Variants in ABHD5 observed in about 807,000 individuals in gnomAD.
The protein encoded by ABHD5 is abhydrolase domain containing 5, lysophosphatidic acid acyltransferase.
A neutral mutation model predicts 44.9 loss-of-function variants in ABHD5; 30 were observed. The ratio of observed to expected loss-of-function variants is 0.67; its 90% CI spans 0.50 to 0.91. The LOEUF (loss-of-function observed/expected upper bound fraction) is 0.91. ABHD5 is among the 40% of genes least tolerant of loss of function. ABHD5 has a pLI of 0.00. For synonymous variants in ABHD5, 167 were observed against 147.0 expected, an observed-to-expected ratio of 1.14 and a Z score of -0.99; for missense variants, 399 against 423.4, an observed-to-expected ratio of 0.94 and a Z score of 0.50.
At chr3:43,709,284 G>A (rs2084658818) in intron 3 of ABHD5, among the ~76,000 whole-genome samples, 1 of 152,080 alleles carries the variant, frequency 6.6e-6, no homozygotes, top group Admixed American at 6.5e-5. Flanking sequence ...TTGTAGGCAC[G>A]GTTCACTCCT....
chr3:43,710,179 T>A (rs2084669910), intron 3 of ABHD5, among the ~76,000 whole-genome samples: 1 of 152,214 alleles, frequency 6.6e-6, no homozygotes, highest in Non-Finnish European at 1.5e-5. Flanking sequence ...CATATGAAAT[T>A]TTTAGGCTGT....
rs141018019 is a variant in ABHD5, at chr3:43,707,434, A to G, written c.507-4275A>G. ...GTTCTAGGAAAAGCTGTTCTACTTG[A>G]TTCGAAGTTGGAGATATTTAGTTTG... is the stretch of plus-strand genomic sequence containing the variant. On this transcript the variant is annotated intron_variant, in intron 3 of 6. Transcript: ENST00000644371. Among the ~76,000 whole-genome samples, 3 of 152,216 alleles carry G rather than the reference A, an allele frequency of 2.0e-5. No homozygotes were observed. In the East Asian group the frequency reaches 5.8e-4, roughly 29 times the overall value.
rs1299417826 is a variant in ABHD5 at position 43,708,463 on chromosome 3, G to A, written c.507-3246G>A. Among the ~76,000 whole-genome samples, 13 of 152,196 alleles carry A rather than the reference G, an allele frequency of 8.5e-5. 1 individual carries two copies. Among genetic ancestry groups the A allele is most frequent in the Admixed American group, 8.5e-4 (13 of 15,280 alleles). ...AGGTTAGAAGATAGCCTGGGACCTT[G>A]GTCTGGTGCAACATTGCAGTCACCT... On this transcript the variant is annotated intron_variant, in intron 3 of 6. Transcript: ENST00000644371.
chr3:43,727,477 C>T (rs910851379), downstream of ABHD5, among the ~76,000 whole-genome samples: 2 of 152,176 alleles, frequency 1.3e-5, no homozygotes, highest in African/African-American at 4.8e-5. Context: ...CATTTTGTTT[C>T]TGTACTTTAC....
Position 43,702,456 on chromosome 3 carries a change from A to G in ABHD5, c.375A>G (p.Glu125=), listed in dbSNP as rs776862217. The G allele has an allele frequency of 6.2e-7, 1 of 1,614,260 alleles. No homozygotes were observed. Among genetic ancestry groups the G allele is most frequent in the South Asian group, 1.1e-5 (1 of 91,088 alleles). Residue 125 remains glutamate (E), a synonymous_variant, in exon 3 of 7, where the codon GAA becomes GAG. Coordinates refer to ENST00000644371, the MANE Select transcript of ABHD5 (RefSeq NM_016006.6). ...SSRPRFDSDA[E]EVENQFVESI... ...GACCCAGGTTTGACAGTGATGCAGAAGAAGTGGAGAATCAGTTTGTGGAAT... is the reference window on the plus strand; with the variant it reads ...GACCCAGGTTTGACAGTGATGCAGAGGAAGTGGAGAATCAGTTTGTGGAAT...
intron 3 of ABHD5, among the ~76,000 whole-genome samples, chr3:43,704,064 G>A (rs1309406155): frequency 4.9e-5 from 6 of 122,846 alleles, no homozygotes; most frequent in African/African-American, 1.6e-4. Context: ...TTGAGCCGGA[G>A]TCTCACTCGG....
intron 5 of ABHD5, among the ~76,000 whole-genome samples, chr3:43,717,193 A>G (rs914649668): frequency 8.3e-6 from 1 of 120,622 alleles, no homozygotes; most frequent in Non-Finnish European, 1.6e-5. Context: ...CAAAAAAAAC[A>G]AAAAAAAAAA....
At chr3:43,691,657 G>A (rs1279707821) in intron 1 of ABHD5, 6 of 152,332 alleles carry the variant, frequency 3.9e-5, no homozygotes, top group African/African-American at 1.4e-4. Flanking sequence ...AGGAGGGAGG[G>A]GAGAAGGAGT....
chr3:43,713,572 T>C (rs2084717064), intron 4 of ABHD5, among the ~76,000 whole-genome samples: 1 of 152,058 alleles, frequency 6.6e-6, no homozygotes, highest in Non-Finnish European at 1.5e-5. Context: ...GACCACACTT[T>C]ATTGCTTCAG....
chr3:43,726,526 G>C (rs9831161), downstream of ABHD5, among the ~76,000 whole-genome samples: 1 of 152,150 alleles, frequency 6.6e-6, no homozygotes, highest in Admixed American at 6.5e-5. Flanking sequence ...TCTGTATGGC[G>C]TCTTCCTTAT....
downstream of ABHD5, among the ~76,000 whole-genome samples, chr3:43,727,695 A>C (rs72622918): frequency 6.6e-6 from 1 of 152,050 alleles, no homozygotes; most frequent in South Asian, 2.1e-4. Context: ...TGCAACCTCC[A>C]GCTCCCGGGT....
At position 43,718,709 on chromosome 3, in the gene ABHD5, A is replaced by C; in HGVS notation, c.*177A>C. 3.2e-6 allele frequency: 2 copies of C among 632,778 alleles called. No individual in the cohort carries two copies. Among genetic ancestry groups the C allele is most frequent in the South Asian group, 3.7e-5 (2 of 53,686 alleles). The allele number at this position is 632,778 out of a possible 1,614,324, so 39.2% of individuals were successfully genotyped here. A position where few individuals can be genotyped will look rare whatever the true frequency, so the allele number is the denominator to read the frequency against. On this transcript the variant is annotated 3_prime_UTR_variant, in exon 7 of 7. Transcript: ENST00000644371. ...ACATTTAAACCAGTTAGTGCCTTCT[A>C]GAAGAATGGCTTTCCTTTCTCCTAC...
At chr3:43,702,645 A>C (rs1345677750) in intron 3 of ABHD5, 58 bp downstream of exon 3, 1 of 1,613,264 alleles carries the variant, frequency 6.2e-7, no homozygotes, top group Non-Finnish European at 8.5e-7. Context: ...ACCAGACTCT[A>C]GTTCCCATCT....
chr3:43,717,213 AG>A (rs2084775630), intron 5 of ABHD5, among the ~76,000 whole-genome samples: 1 of 152,064 alleles, frequency 6.6e-6, no homozygotes. Context: ...AATGAATAGC[AG>A]AAGTGACAGC....
intron 1 of ABHD5, among the ~76,000 whole-genome samples, chr3:43,694,575 A>G (rs1221597973): frequency 6.6e-6 from 1 of 152,162 alleles, no homozygotes; most frequent in African/African-American, 2.4e-5. Context: ...TTTGATAATG[A>G]GGTCATATAA....
At chr3:43,711,650 C>T in intron 3 of ABHD5, 59 bp from the exon 4 acceptor site, 1 of 1,588,200 alleles carries the variant, frequency 6.3e-7, no homozygotes, top group South Asian at 1.1e-5. Context: ...CATGTTAGCT[C>T]TTTATAGTCT....
At chr3:43,708,942 A>G (rs1035718884) in intron 3 of ABHD5, among the ~76,000 whole-genome samples, 1 of 152,224 alleles carries the variant, frequency 6.6e-6, no homozygotes, top group African/African-American at 2.4e-5. Context: ...AAACAGTATA[A>G]TTTTATTTTA....
At chr3:43,733,554 C>T (rs1697277868) in intron 7 of ABHD5, among the ~76,000 whole-genome samples, 1 of 152,208 alleles carries the variant, frequency 6.6e-6, no homozygotes, top group South Asian at 2.1e-4. Flanking sequence ...AGAGCTTAAA[C>T]ATTCCAGAAC....
chr3:43,692,783 T>C (rs2084414666), intron 1 of ABHD5, among the ~76,000 whole-genome samples: 1 of 152,178 alleles, frequency 6.6e-6, no homozygotes, highest in Non-Finnish European at 1.5e-5. Flanking sequence ...GTGTCTGGAT[T>C]TAATCTAAGG....
Sources: allele counts gnomAD v4.1 joint callset (sites outside exome capture counted in the v4.1 genomes callset), GRCh38; gene constraint gnomAD v4.1.1; transcripts MANE v1.5; gene names NCBI Gene and HGNC (gene_info 2026-07-23, HGNC 2026-07-21).